GBE1: variants seen among roughly 807,000 people sequenced by gnomAD.
GBE1 encodes the protein 1,4-alpha-glucan-branching enzyme.
GBE1 carries 70 observed loss-of-function variants against 88.8 expected under a neutral mutation model. That is an observed-to-expected ratio of 0.79 (90% CI 0.65 to 0.96). The LOEUF is 0.96. Among genes scored for constraint, GBE1 ranks in the 40% least tolerant of loss-of-function variants. The probability of loss-of-function intolerance (pLI) is 0.00; values close to 1 mark genes in which losing one functional copy is unlikely to be tolerated. For missense variants in GBE1, 872 were observed against 871.0 expected (o/e 1.00, Z -0.01); for synonymous variants, 284 against 300.1 (o/e 0.95, Z 0.56).
intron 7 of GBE1, among the ~76,000 whole-genome samples, chr3:81,602,907 G>T (rs1226646639): frequency 1.3e-5 from 2 of 152,030 alleles, no homozygotes; most frequent in African/African-American, 2.4e-5. Flanking sequence ...CTTCTCACTC[G>T]ATACTCCTTC....
chr3:81,683,955 T>C (rs968024888), intron 2 of GBE1, among the ~76,000 whole-genome samples: 7 of 152,196 alleles, frequency 4.6e-5, no homozygotes, highest in Admixed American at 4.6e-4. Flanking sequence ...AGTCTTATTA[T>C]GATAGAAATA....
intron 2 of GBE1, among the ~76,000 whole-genome samples, chr3:81,704,495 C>T (rs1320788027): frequency 1.3e-5 from 2 of 152,002 alleles, no homozygotes; most frequent in Admixed American, 1.3e-4. Flanking sequence ...AACCTTTACC[C>T]ACCACCCCAA....
At chr3:81,557,400 C>A (rs577650523) in intron 12 of GBE1, among the ~76,000 whole-genome samples, 6 of 151,050 alleles carry the variant, frequency 4.0e-5, no homozygotes, top group Non-Finnish European at 8.9e-5. Context: ...ATAAAAGGAA[C>A]AACTAAAATG....
chr3:81,672,374 A>G (rs1705200691), intron 2 of GBE1, among the ~76,000 whole-genome samples: 1 of 152,028 alleles, frequency 6.6e-6, no homozygotes, highest in Non-Finnish European at 1.5e-5. Context: ...AAATTTCAAC[A>G]GCCACAATAT....
chr3:81,693,379 T>C (rs1397525153), intron 2 of GBE1, among the ~76,000 whole-genome samples: 2 of 152,166 alleles, frequency 1.3e-5, no homozygotes, highest in African/African-American at 4.8e-5. Context: ...CTTCCTAACG[T>C]ATCTTTATAA....
At chr3:81,682,775 A>T (rs1241203038) in intron 2 of GBE1, among the ~76,000 whole-genome samples, 5 of 152,240 alleles carry the variant, frequency 3.3e-5, no homozygotes, top group Non-Finnish European at 7.3e-5. Flanking sequence ...ATGAAAACAC[A>T]TGTCAACACA....
At chr3:81,681,188 G>A (rs1372785620) in intron 2 of GBE1, among the ~76,000 whole-genome samples, 1 of 152,176 alleles carries the variant, frequency 6.6e-6, no homozygotes, top group Non-Finnish European at 1.5e-5. Context: ...ATGCCATATG[G>A]TCTATAACCA....
chr3:81,694,103 T>C (rs1459300061), intron 2 of GBE1, among the ~76,000 whole-genome samples: 1 of 151,886 alleles, frequency 6.6e-6, no homozygotes, highest in Non-Finnish European at 1.5e-5. Context: ...TTTTTAACAC[T>C]AGTAACTAGG....
chr3:81,558,415 CTAT>C (rs1423525668), intron 12 of GBE1, among the ~76,000 whole-genome samples: 2 of 151,970 alleles, frequency 1.3e-5, no homozygotes, highest in African/African-American at 4.8e-5. Context: ...ATCTATCTAT[CTAT>C]CTATCTCATC....
chr3:81,516,019 G>A (rs1371831900), intron 14 of GBE1, among the ~76,000 whole-genome samples: 3 of 151,704 alleles, frequency 2.0e-5, no homozygotes, highest in Non-Finnish European at 3.0e-5. Context: ...GAAGTAGCAA[G>A]TGCTGATGTA....
chr3:81,715,412 A>G (rs1219534016), intron 1 of GBE1, among the ~76,000 whole-genome samples: 1 of 152,204 alleles, frequency 6.6e-6, no homozygotes, highest in African/African-American at 2.4e-5. Flanking sequence ...TAACTGATTA[A>G]AAGTGAGTTG....
At chr3:81,721,206 AATAAAT>A in intron 1 of GBE1, among the ~76,000 whole-genome samples, 1 of 86,798 alleles carries the variant, frequency 1.2e-5, no homozygotes, top group East Asian at 1.3e-3. Context: ...TATAATAAAA[AATAAAT>A]AAATAAATAA....
At chr3:81,618,277 T>A (rs1029236157) in intron 7 of GBE1, among the ~76,000 whole-genome samples, 2 of 152,270 alleles carry the variant, frequency 1.3e-5, no homozygotes, top group East Asian at 3.9e-4. Context: ...AATATCTTAA[T>A]GCACAAAGCA....
chr3:81,537,034 G>C lies in GBE1; in HGVS notation c.1680C>G (p.Tyr560Ter). 1 of 1,582,766 alleles carries C rather than the reference G, an allele frequency of 6.3e-7. No individual in the cohort carries two copies. The highest frequency in any genetic ancestry group is 1.2e-5 in the South Asian group (1 of 84,710). The change falls in exon 13 of 16, where the codon TAC (tyrosine) becomes TAG (stop). Residue 560 changes from tyrosine (Y) to a stop codon, truncating the protein, a stop_gained. Coordinates refer to ENST00000429644, the MANE Select transcript of GBE1 (RefSeq NM_000158.4). LOFTEE classifies it high-confidence loss of function. ...DFPRKGNNES[Y>*]HYARRQFHLT... ...AATGAAACTGCCGCCTGGCATAATGGTAACTCTCATTATTTCCTTTTCTTG... is the reference window on the plus strand; with the variant it reads ...AATGAAACTGCCGCCTGGCATAATGCTAACTCTCATTATTTCCTTTTCTTG...
chr3:81,624,263 C>T (rs1055623359), intron 7 of GBE1, among the ~76,000 whole-genome samples: 1 of 152,106 alleles, frequency 6.6e-6, no homozygotes, highest in African/African-American at 2.4e-5. Flanking sequence ...GGGGGAAATG[C>T]CCCCATGATT....
intron 1 of GBE1, among the ~76,000 whole-genome samples, chr3:81,726,723 A>G (rs1706117463): frequency 6.6e-6 from 1 of 151,882 alleles, no homozygotes; most frequent in South Asian, 2.1e-4. Flanking sequence ...CTGGGACTAC[A>G]GGCATGCGCC....
intron 9 of GBE1, among the ~76,000 whole-genome samples, chr3:81,587,695 A>G (rs1171041225): frequency 6.6e-6 from 1 of 152,284 alleles, no homozygotes; most frequent in Admixed American, 6.5e-5. Flanking sequence ...AATCTAGACT[A>G]GTTTAATAAT....
At chr3:81,742,489 AAAT>A (rs573485516) in intron 1 of GBE1, among the ~76,000 whole-genome samples, 290 of 152,316 alleles carry the variant, frequency 1.9e-3, no homozygotes, top group African/African-American at 6.6e-3. Context: ...AATAAAAATG[AAAT>A]AATATTTTTG....
chr3:81,588,072 A>G (rs1703823189), intron 9 of GBE1, among the ~76,000 whole-genome samples: 1 of 150,208 alleles, frequency 6.7e-6, no homozygotes, highest in Non-Finnish European at 1.5e-5. Flanking sequence ...ATCACATACC[A>G]TAGGCTCTCT....
Sources: allele counts gnomAD v4.1 joint callset (sites outside exome capture counted in the v4.1 genomes callset), GRCh38; gene constraint gnomAD v4.1.1; transcripts MANE v1.5; gene names NCBI Gene and HGNC (gene_info 2026-07-23, HGNC 2026-07-21).